Variants in RANBP2 observed in about 807,000 individuals in gnomAD.
RANBP2 encodes the protein E3 SUMO-protein ligase RanBP2.
Under a neutral mutation model 303.6 loss-of-function variants are expected in RANBP2, and 57 were observed. The observed-to-expected ratio is 0.19, with a 90% CI of 0.15 to 0.23. RANBP2 has a LOEUF of 0.23. Ranked by LOEUF, RANBP2 falls within the 10% of genes least tolerant of loss-of-function variation. The pLI is 1.00. For missense variants in RANBP2, 3,138 were observed against 3,780.8 expected, an observed-to-expected ratio of 0.83 and a Z score of 4.46; for synonymous variants, 1,167 against 1,301.5, an observed-to-expected ratio of 0.90 and a Z score of 2.23.
the RANBP2 span, among the ~76,000 whole-genome samples, chr2:109,587,630 T>C: frequency 6.6e-6 from 1 of 152,166 alleles, no homozygotes; most frequent in South Asian, 2.1e-4. Context: ...ATGAAAACTT[T>C]AGGCCTGGTG....
the RANBP2 span, among the ~76,000 whole-genome samples, chr2:109,051,571 C>T: frequency 1.3e-5 from 2 of 151,788 alleles, no homozygotes; most frequent in Admixed American, 6.6e-5. Flanking sequence ...CATAAGTGAG[C>T]CTTAGAAATA....
At chr2:109,675,689 T>A in the RANBP2 span, among the ~76,000 whole-genome samples, 146,702 of 152,116 alleles carry the variant, frequency 0.96, 70,935 homozygotes, top group Non-Finnish European at 0.99. Flanking sequence ...TCTCAAAAAA[T>A]AAGAAAAAAG....
chr2:109,329,616 C>T, the RANBP2 span, among the ~76,000 whole-genome samples: 5 of 152,218 alleles, frequency 3.3e-5, no homozygotes, highest in African/African-American at 1.2e-4. Context: ...TGACAGGCCT[C>T]CCTCAAGGGA....
At chr2:109,407,108 G>A in the RANBP2 span, among the ~76,000 whole-genome samples, 1 of 152,190 alleles carries the variant, frequency 6.6e-6, no homozygotes, top group Non-Finnish European at 1.5e-5. Flanking sequence ...CTCTGGGCAG[G>A]GGCTCTTGCT....
chr2:109,587,312 T>A, the RANBP2 span, among the ~76,000 whole-genome samples: 1 of 152,162 alleles, frequency 6.6e-6, no homozygotes, highest in African/African-American at 2.4e-5. Context: ...ATAGTTATTA[T>A]CCAAGCTAAA....
intron 25 of RANBP2, 109 bp from the exon 26 acceptor site, chr2:108,781,160 T>C: frequency 9.0e-7 from 1 of 1,105,038 alleles, no homozygotes; most frequent in Middle Eastern, 2.3e-4. Context: ...CATTTAAAAT[T>C]GATGTACATA....
At chr2:109,681,369 G>A in the RANBP2 span, among the ~76,000 whole-genome samples, 1 of 152,132 alleles carries the variant, frequency 6.6e-6, no homozygotes, top group Non-Finnish European at 1.5e-5. Context: ...ATTCTTATTT[G>A]TACACGTATT....
the RANBP2 span, among the ~76,000 whole-genome samples, chr2:109,199,603 G>GC: frequency 7.8e-3 from 2 of 258 alleles, no homozygotes; most frequent in Admixed American, 0.045. Context: ...GGAATGGAAT[G>GC]GAATGGAATG....
chr2:109,244,226 A>G, the RANBP2 span, among the ~76,000 whole-genome samples: 1 of 152,236 alleles, frequency 6.6e-6, no homozygotes, highest in Non-Finnish European at 1.5e-5. Flanking sequence ...GAGATAAAAC[A>G]TGACGGGGGC....
At chr2:109,542,791 C>T in the RANBP2 span, among the ~76,000 whole-genome samples, 1 of 152,192 alleles carries the variant, frequency 6.6e-6, no homozygotes, top group Non-Finnish European at 1.5e-5. Flanking sequence ...TTAAAGTATA[C>T]AGATAAATTG....
chr2:109,219,755 C>T, the RANBP2 span, among the ~76,000 whole-genome samples: 1 of 152,166 alleles, frequency 6.6e-6, no homozygotes, highest in Non-Finnish European at 1.5e-5. Flanking sequence ...GATTGGCACA[C>T]TGAAAACTAC....
At position 108,771,822 on chromosome 2, in the gene RANBP2, C is replaced by A. The variant is rs748182586; in HGVS notation, c.7971C>A (p.Phe2657Leu). Residue 2657 changes from phenylalanine to leucine, a missense_variant, in exon 21 of 29, where the codon TTC (phenylalanine) becomes TTA (leucine). Phe to Leu is a conservative substitution (Grantham distance 22). This residue lies in a region of RANBP2 where 497 missense variants were observed against 465.8 expected (regional missense o/e 1.07). Coordinates refer to ENST00000283195, the MANE Select transcript of RANBP2 (RefSeq NM_006267.5). ...CCAAACTTAAACTTCCTCCAACTTT[C>A]TTCTGCTACAAGAATAGACCAGATT... Reference protein sequence around the residue: ...LATKLKLPPTFFCYKNRPDYV... With the variant: ...LATKLKLPPTLFCYKNRPDYV... The A allele has an allele frequency of 1.2e-6, 2 of 1,613,920 alleles. No individual in the cohort carries two copies. The highest frequency in any genetic ancestry group is 2.7e-5 in the African/African-American group (2 of 74,918).
chr2:109,129,630 ACGGCGGCGTCGGG>A, the RANBP2 span: 1 of 1,493,046 alleles, frequency 6.7e-7, no homozygotes, highest in South Asian at 1.3e-5. Flanking sequence ...CAGGCGAGCG[ACGGCGGCGTCGGG>A]CGGCGGCCAC....
the RANBP2 span, among the ~76,000 whole-genome samples, chr2:109,028,997 C>T: frequency 1.3e-5 from 2 of 152,004 alleles, no homozygotes; most frequent in Admixed American, 6.6e-5. Flanking sequence ...ATTGCCCAGG[C>T]TGGTCTCAAA....
In RANBP2 at chr2:108,775,861, G is replaced by A; in HGVS notation, c.8422G>A (p.Val2808Ile). Residue 2808 changes from valine (V) to isoleucine (I), a missense_variant, in exon 24 of 29, where the codon GTT becomes ATT. By Grantham distance (29) the Val-to-Ile change is conservative. Transcript: ENST00000283195. ...TACCAAATCCATTAGTTCACCATCT[G>A]TTTCCTCTGAAACTATGGACAAACC... ...SITKSISSPS[V>I]SSETMDKPVD... 2 of 1,613,472 alleles carry A rather than the reference G, an allele frequency of 1.2e-6. No homozygotes were observed. Among genetic ancestry groups the A allele is most frequent in the Non-Finnish European group, 1.7e-6 (2 of 1,179,890 alleles).
chr2:109,777,281 T>C, the RANBP2 span, among the ~76,000 whole-genome samples: 2 of 148,996 alleles, frequency 1.3e-5, no homozygotes, highest in East Asian at 3.9e-4. Context: ...CAAAGGCTTT[T>C]CTACATGTAT....
downstream of RANBP2, among the ~76,000 whole-genome samples, chr2:108,787,263 TACTC>T (rs1048758577): frequency 5.9e-5 from 9 of 152,368 alleles, no homozygotes; most frequent in African/African-American, 1.9e-4. Flanking sequence ...ATTTCGGACT[TACTC>T]AAAAGTTGCT....
chr2:108,740,111 A>G (rs1341634822), intron 6 of RANBP2, among the ~76,000 whole-genome samples: 1 of 152,246 alleles, frequency 6.6e-6, no homozygotes, highest in African/African-American at 2.4e-5. Context: ...GGTATGTCTA[A>G]TTTGAGAAAT....
chr2:109,739,379 A>G, the RANBP2 span, among the ~76,000 whole-genome samples: 1 of 150,424 alleles, frequency 6.6e-6, no homozygotes, highest in South Asian at 2.1e-4. Context: ...TAAATGTGGA[A>G]TATCTTTCCA....
Sources: gnomAD v4.1 joint callset for allele counts (sites outside exome capture counted in the v4.1 genomes callset) on GRCh38, gnomAD v4.1.1 for gene constraint, gnomAD v4.1.1 regional missense constraint, MANE v1.5 for transcripts, NCBI Gene and HGNC (gene_info 2026-07-23, HGNC 2026-07-21) for gene names.